Variants in ZNF585B observed in about 807,000 individuals in gnomAD.
ZNF585B encodes the protein zinc finger protein 585B.
ZNF585B carries 7 observed loss-of-function variants against 14.0 expected under a neutral mutation model. The observed-to-expected ratio is 0.50, with a 90% CI of 0.28 to 0.94. The LOEUF is 0.94. Among genes scored for constraint, ZNF585B ranks in the 40% least tolerant of loss-of-function variants. The pLI is 0.09. For synonymous variants in ZNF585B, 290 were observed against 317.3 expected (o/e 0.91, Z 0.91); for missense variants, 750 against 924.4 (o/e 0.81, Z 2.45).
intron 2 of ZNF585B, among the ~76,000 whole-genome samples, chr19:37,190,851 A>G (rs1333732289): frequency 6.6e-6 from 1 of 152,158 alleles, no homozygotes; most frequent in Non-Finnish European, 1.5e-5. Flanking sequence ...GGAGTGAGCC[A>G]CCGCGCCTGG....
At chr19:37,197,320 T>C (rs1439006797) in intron 2 of ZNF585B, among the ~76,000 whole-genome samples, 1 of 152,194 alleles carries the variant, frequency 6.6e-6, no homozygotes, top group Admixed American at 6.6e-5. Context: ...TCATCCTTTT[T>C]TATGGCTGCA....
rs1344629513 is a variant in ZNF585B, at chr19:37,184,075, G to A, written c.*1152C>T. 6.6e-6 allele frequency: 1 copy of A among 152,070 alleles called. No homozygotes were observed. The highest frequency in any genetic ancestry group is 1.5e-5 in the Non-Finnish European group (1 of 68,118). 9.4% of individuals were successfully genotyped at this position (152,070 alleles called of 1,614,324 possible). On this transcript the variant is annotated 3_prime_UTR_variant, in exon 5 of 5. Coordinates refer to ENST00000532828, the MANE Select transcript of ZNF585B (RefSeq NM_152279.4). ...GTGGGAGTGTACAAAACACTGTGCT[G>A]GGCCGGGCGCAGTGGCTCACGTCCG...
Position 37,207,577 on chromosome 19 carries a change from T to C in ZNF585B, c.-143-323A>G, listed in dbSNP as rs577770807. Among the ~76,000 whole-genome samples, 5 of 152,318 alleles carry C rather than the reference T, an allele frequency of 3.3e-5. No individual in the cohort carries two copies. The East Asian group carries it at 5.8e-4, about 18-fold the overall frequency. ...AAAAGCCATGAAATTTAGAGTAACA[T>C]TACTGCAGATTTGAACTGCAGCTGT... On this transcript the variant is annotated intron_variant, in intron 1 of 4. Coordinates refer to ENST00000532828, the MANE Select transcript of ZNF585B (RefSeq NM_152279.4).
rs542308474 is a variant in ZNF585B, at chr19:37,187,888, T to G, written c.293-644A>C. ...CTAGATGAACAGATAACACCATGGA[T>G]AGACATGGAAAAAGGCAAAAAACAT... On this transcript the variant is annotated intron_variant, in intron 4 of 4. Coordinates refer to ENST00000532828, the MANE Select transcript of ZNF585B (RefSeq NM_152279.4). Among the ~76,000 whole-genome samples the G allele has an allele frequency of 2.0e-5, 3 of 152,254 alleles. No homozygotes were observed. The South Asian group carries it at 6.2e-4, about 32-fold the overall frequency.
intron 2 of ZNF585B, among the ~76,000 whole-genome samples, chr19:37,195,512 G>T (rs1972456249): frequency 6.6e-6 from 1 of 151,634 alleles, no homozygotes; most frequent in South Asian, 2.1e-4. Flanking sequence ...ACACAAATCA[G>T]CAATATCAGG....
Position 37,185,908 on chromosome 19 carries a change from A to G in ZNF585B, c.1629T>C (p.Ile543=). ...QKSNLNIHQK[I]HTGERQYECH... ...ATTCATACTGTCTCTCTCCAGTGTGAATTTTCTGATGTATATTAAGATTTG... is the reference window on the plus strand; with the variant it reads ...ATTCATACTGTCTCTCTCCAGTGTGGATTTTCTGATGTATATTAAGATTTG... The change falls in exon 5 of 5, where the codon ATT becomes ATC. Residue 543 remains isoleucine (I), a synonymous_variant. Transcript: ENST00000532828. 2 of 1,614,050 alleles carry G rather than the reference A, an allele frequency of 1.2e-6. No homozygotes were observed. Among genetic ancestry groups the G allele is most frequent in the South Asian group, 2.2e-5 (2 of 91,064 alleles).
intron 4 of ZNF585B, 161 bp downstream of exon 4, chr19:37,189,500 G>T: frequency 1.5e-6 from 1 of 677,728 alleles, no homozygotes. Context: ...CAGGTAGAAG[G>T]CATTTAGTGA....
intron 2 of ZNF585B, among the ~76,000 whole-genome samples, chr19:37,191,450 T>C: frequency 6.6e-6 from 1 of 151,914 alleles, no homozygotes; most frequent in East Asian, 1.9e-4. Flanking sequence ...AAATGCCGTC[T>C]CTATTAAAAA....
At chr19:37,191,972 G>A (rs1381405492) in intron 2 of ZNF585B, among the ~76,000 whole-genome samples, 1 of 152,148 alleles carries the variant, frequency 6.6e-6, no homozygotes, top group African/African-American at 2.4e-5. Context: ...GGAGGTTGCA[G>A]TCAGCCGAGA....
chr19:37,199,383 G>C (rs1414029482), intron 2 of ZNF585B: 4 of 383,872 alleles, frequency 1.0e-5, no homozygotes, highest in Non-Finnish European at 2.1e-5. Context: ...AATTTCGCCA[G>C]TTCTATTGGC....
chr19:37,185,758 A>G lies in ZNF585B; in HGVS notation c.1779T>C (p.Phe593=). 2 of 1,596,028 alleles carry G rather than the reference A, an allele frequency of 1.3e-6. No homozygotes were observed. The highest frequency in any genetic ancestry group is 1.7e-6 in the Non-Finnish European group (2 of 1,170,404). Residue 593 remains phenylalanine (F), a synonymous_variant, in exon 5 of 5, where the codon TTT becomes TTC. Coordinates refer to ENST00000532828, the MANE Select transcript of ZNF585B (RefSeq NM_152279.4). The part of the protein sequence containing the change: ...CGRAFIRKSN[F]ITHQRIHTGE... The stretch of plus-strand genomic sequence containing the variant: ...CAGTATGAATTCTTTGATGAGTAAT[A>G]AAGTTTGACTTGCGGATGAAAGCTC...
At chr19:37,206,987 G>C in intron 2 of ZNF585B, 53 bp downstream of exon 2, 1 of 1,608,590 alleles carries the variant, frequency 6.2e-7, no homozygotes, top group Non-Finnish European at 8.5e-7. Context: ...TGACAGATTA[G>C]AGCTATCTAC....
At position 37,185,687 on chromosome 19, in the gene ZNF585B, G is replaced by A. The variant is rs372814917; in HGVS notation, c.1850C>T (p.Ser617Phe). Reference sequence around the variant, plus strand: ...CTGATGCACCAGGAGCTGAGACTTGGAGGTAAAGGACTTCCCACAGTCACT... The same window carrying A: ...CTGATGCACCAGGAGCTGAGACTTGAAGGTAAAGGACTTCCCACAGTCACT... Reference protein sequence around the residue: ...ECSDCGKSFTSKSQLLVHQPV... With the variant: ...ECSDCGKSFTFKSQLLVHQPV... Residue 617 changes from serine (S) to phenylalanine (F), a missense_variant, in exon 5 of 5, where the codon TCC (serine) becomes TTC (phenylalanine). By Grantham distance (155) the Ser-to-Phe change is radical (BLOSUM62 -2). Around this residue, in one of 2 missense-constraint regions of ZNF585B, gnomAD observed 233 missense variants for 354.1 expected, o/e 0.66. Coordinates refer to ENST00000532828, the MANE Select transcript of ZNF585B (RefSeq NM_152279.4). 2.5e-6 allele frequency: 4 copies of A among 1,595,532 alleles called. No homozygotes were observed. Among genetic ancestry groups the A allele is most frequent in the Non-Finnish European group, 3.4e-6 (4 of 1,171,106 alleles).
At chr19:37,190,711 A>G (rs919273131) in intron 2 of ZNF585B, among the ~76,000 whole-genome samples, 1 of 151,338 alleles carries the variant, frequency 6.6e-6, no homozygotes, top group Admixed American at 6.6e-5. Flanking sequence ...GATTACAGGT[A>G]TGTGCCACCA....
At chr19:37,197,430 G>A (rs993013900) in intron 2 of ZNF585B, among the ~76,000 whole-genome samples, 21 of 152,052 alleles carry the variant, frequency 1.4e-4, no homozygotes, top group African/African-American at 4.1e-4. Flanking sequence ...GAATAGTGCC[G>A]CAATAAACAT....
chr19:37,186,725 A>C lies in ZNF585B; in HGVS notation c.812T>G (p.Ile271Ser). The change falls in exon 5 of 5, where the codon ATC becomes AGC. Residue 271 changes from isoleucine (I) to serine (S), a missense_variant. By Grantham distance (142) the Ile-to-Ser change is moderately radical. This residue lies in a region of ZNF585B where 517 missense variants were observed against 570.3 expected (regional missense o/e 0.91). Transcript: ENST00000532828. ...GAAGGCCTGCCCGCATTCAATACAG[A>C]TGTAGGATCTCTCGCCTGTATGGAT... ...QKIHTGERSY[I>S]CIECGQAFIQ... is the part of the protein sequence containing the mutation. 6.2e-7 allele frequency: 1 copy of C among 1,614,194 alleles called. No homozygotes were observed. Among genetic ancestry groups the C allele is most frequent in the Non-Finnish European group, 8.5e-7 (1 of 1,180,030 alleles).
At chr19:37,209,173 T>C (rs933662650) in intron 1 of ZNF585B, among the ~76,000 whole-genome samples, 2 of 152,056 alleles carry the variant, frequency 1.3e-5, no homozygotes, top group Non-Finnish European at 2.9e-5. Context: ...GGCATGATCT[T>C]GGCTCACTGC....
chr19:37,187,291 G>T lies in ZNF585B; in HGVS notation c.293-47C>A, dbSNP rs111723150. 1.6e-3 allele frequency: 2,132 copies of T among 1,338,832 alleles called. 37 individuals carry two copies. In the African/African-American group the frequency reaches 0.028, roughly 18 times the overall value. 82.9% of individuals were successfully genotyped at this position (1,338,832 alleles called of 1,614,324 possible). A position where few individuals can be genotyped will look rare whatever the true frequency, so the allele number is the denominator to read the frequency against. On this transcript the variant is annotated intron_variant, in intron 4 of 4. Coordinates refer to ENST00000532828, the MANE Select transcript of ZNF585B (RefSeq NM_152279.4). Reference sequence around the variant, plus strand: ...AAGTATAGAAAGACATTTTACCATAGTTAGTACTCTTCTTAACATTCTTTG... The same window carrying T: ...AAGTATAGAAAGACATTTTACCATATTTAGTACTCTTCTTAACATTCTTTG...
chr19:37,189,180 C>T (rs1972372571), intron 4 of ZNF585B, among the ~76,000 whole-genome samples: 1 of 152,136 alleles, frequency 6.6e-6, no homozygotes, highest in Non-Finnish European at 1.5e-5. Flanking sequence ...TCAAGAGATA[C>T]ACCCACCTTG....
Sources: allele counts gnomAD v4.1 joint callset (sites outside exome capture counted in the v4.1 genomes callset), GRCh38; gene constraint gnomAD v4.1.1; regional missense constraint gnomAD v4.1.1; transcripts MANE v1.5; gene names NCBI Gene and HGNC (gene_info 2026-07-23, HGNC 2026-07-21).